Variants in ZCCHC7 observed in about 807,000 individuals in gnomAD.
ZCCHC7 encodes zinc finger CCHC-type containing 7.
A neutral mutation model predicts 52.0 loss-of-function variants in ZCCHC7; 35 were observed. That is an observed-to-expected ratio of 0.67 (90% CI 0.51 to 0.89). ZCCHC7 has a LOEUF of 0.89. ZCCHC7 is among the 40% of genes least tolerant of loss of function. The pLI, the probability that ZCCHC7 is intolerant of heterozygous loss-of-function variation, is 0.00. For missense variants in ZCCHC7, 574 were observed against 649.1 expected (o/e 0.88, Z 1.26); for synonymous variants, 217 against 221.5 (o/e 0.98, Z 0.18).
chr9:37,177,465 T>C (rs1822102739), intron 2 of ZCCHC7, among the ~76,000 whole-genome samples: 1 of 152,176 alleles, frequency 6.6e-6, no homozygotes, highest in Non-Finnish European at 1.5e-5. Context: ...AAAGTACAGC[T>C]GGGTTGTTTC....
At chr9:37,307,227 T>G (rs1174570045) in intron 5 of ZCCHC7, among the ~76,000 whole-genome samples, 3 of 152,194 alleles carry the variant, frequency 2.0e-5, no homozygotes, top group Non-Finnish European at 4.4e-5. Context: ...ATATGGAGTT[T>G]AGTCATAATT....
intron 2 of ZCCHC7, among the ~76,000 whole-genome samples, chr9:37,160,643 T>G (rs1821045907): frequency 6.6e-6 from 1 of 152,146 alleles, no homozygotes; most frequent in Admixed American, 6.5e-5. Context: ...TCCCAGCACT[T>G]TGGGAGGCGA....
At position 37,357,411 on chromosome 9, in the gene ZCCHC7, A is replaced by C; in HGVS notation, c.*143A>C. 1 of 694,576 alleles carries C rather than the reference A, an allele frequency of 1.4e-6. No individual in the cohort carries two copies. Among genetic ancestry groups the C allele is most frequent in the Non-Finnish European group, 2.2e-6 (1 of 448,074 alleles). 43.0% of individuals were successfully genotyped at this position (694,576 alleles called of 1,614,324 possible). A position where few individuals can be genotyped will look rare whatever the true frequency, so the allele number is the denominator to read the frequency against. Reference sequence around the variant, plus strand: ...TTTAATTTCAGCCATTCCTAGAGTTACTGAATATCCATGGAGATCTCAATT... The same window carrying C: ...TTTAATTTCAGCCATTCCTAGAGTTCCTGAATATCCATGGAGATCTCAATT... On this transcript the variant is annotated 3_prime_UTR_variant, in exon 9 of 9. Coordinates refer to ENST00000336755, the MANE Select transcript of ZCCHC7 (RefSeq NM_032226.3).
At chr9:37,325,932 ATTCT>A (rs1056192904) in intron 5 of ZCCHC7, 17 of 152,314 alleles carry the variant, frequency 1.1e-4, no homozygotes, top group Admixed American at 2.0e-4. Flanking sequence ...AAACCAAGTA[ATTCT>A]TTCTTTTATT....
chr9:37,260,110 G>A (rs1043570648), intron 2 of ZCCHC7, among the ~76,000 whole-genome samples: 2 of 152,206 alleles, frequency 1.3e-5, no homozygotes, highest in Admixed American at 1.3e-4. Context: ...GCTGACAAAG[G>A]TTTTACTCTC....
intron 5 of ZCCHC7, 118 bp downstream of exon 5, chr9:37,305,832 G>GATAT (rs3837244): frequency 8.0e-5 from 59 of 735,226 alleles, no homozygotes; most frequent in Middle Eastern, 6.1e-4. Flanking sequence ...TACTCCGTGA[G>GATAT]ATATATATAT....
chr9:37,246,576 G>A (rs1445337385), intron 2 of ZCCHC7, among the ~76,000 whole-genome samples: 2 of 152,134 alleles, frequency 1.3e-5, no homozygotes, highest in Non-Finnish European at 2.9e-5. Context: ...TAAACTCTGG[G>A]CCAGTGTGGA....
In ZCCHC7 at chr9:37,190,978, C is replaced by T. The variant is rs188312560; in HGVS notation, c.610+64036C>T. Among the ~76,000 whole-genome samples, 10 of 151,030 alleles carry T rather than the reference C, an allele frequency of 6.6e-5. No individual in the cohort carries two copies. In the East Asian group the frequency reaches 9.7e-4, roughly 15 times the overall value. On this transcript the variant is annotated intron_variant, in intron 2 of 8. Coordinates refer to ENST00000336755, the MANE Select transcript of ZCCHC7 (RefSeq NM_032226.3). ...CGGAGGTTGCGGTGAGCCGAGATCG[C>T]GCCATTGCACTCCAGCCTGGGCATC...
chr9:37,172,982 T>C (rs1479656794), intron 2 of ZCCHC7, among the ~76,000 whole-genome samples: 1 of 152,022 alleles, frequency 6.6e-6, no homozygotes, highest in East Asian at 1.9e-4. Flanking sequence ...CAATTGTGAC[T>C]TGAGTGAGCA....
At chr9:37,337,388 A>G (rs979352739) in intron 6 of ZCCHC7, among the ~76,000 whole-genome samples, 1 of 30,752 alleles carries the variant, frequency 3.3e-5, no homozygotes, top group African/African-American at 1.5e-4. Context: ...ATCCCACCCC[A>G]CCCTACCCAC....
chr9:37,312,996 A>C (rs1422480751), intron 5 of ZCCHC7, among the ~76,000 whole-genome samples: 2 of 152,208 alleles, frequency 1.3e-5, no homozygotes, highest in Admixed American at 1.3e-4. Flanking sequence ...GGGGAAAAGA[A>C]AAACTCATCT....
chr9:37,161,346 G>A (rs146643679), intron 2 of ZCCHC7, among the ~76,000 whole-genome samples: 163 of 152,234 alleles, frequency 1.1e-3, no homozygotes, highest in African/African-American at 3.7e-3. Context: ...AGGTCAAGGC[G>A]GGCAGATCAC....
rs565688444 is a variant in ZCCHC7 at position 37,153,760 on chromosome 9, C to A, written c.610+26818C>A. On this transcript the variant is annotated intron_variant, in intron 2 of 8. Transcript: ENST00000336755. ...CATCTTGTTTCTTTCTTTCCCCAGA[C>A]CTAGAATCAGCTATTTCTGAAAGGA... Among the ~76,000 whole-genome samples, 12 of 152,106 alleles carry A rather than the reference C, an allele frequency of 7.9e-5. No individual in the cohort carries two copies. In the East Asian group the frequency reaches 2.3e-3, roughly 29 times the overall value.
At chr9:37,170,353 G>GT (rs1251180702) in intron 2 of ZCCHC7, among the ~76,000 whole-genome samples, 1 of 152,174 alleles carries the variant, frequency 6.6e-6, no homozygotes, top group African/African-American at 2.4e-5. Context: ...ACACTCAAGA[G>GT]TTTTTTGAAT....
chr9:37,137,531 C>T (rs1381987368), intron 2 of ZCCHC7, among the ~76,000 whole-genome samples: 3 of 152,162 alleles, frequency 2.0e-5, no homozygotes, highest in Non-Finnish European at 4.4e-5. Context: ...TGTATATGTT[C>T]AGAATACTGT....
chr9:37,142,428 G>T (rs1843269314), intron 2 of ZCCHC7, among the ~76,000 whole-genome samples: 1 of 151,592 alleles, frequency 6.6e-6, no homozygotes. Context: ...TGGATGTAGT[G>T]CTCTTAGAAT....
At chr9:37,196,421 A>G (rs1275302197) in intron 2 of ZCCHC7, among the ~76,000 whole-genome samples, 2 of 152,234 alleles carry the variant, frequency 1.3e-5, no homozygotes, top group Non-Finnish European at 2.9e-5. Flanking sequence ...AAATGAACAA[A>G]TATAACATGA....
intron 2 of ZCCHC7, among the ~76,000 whole-genome samples, chr9:37,298,999 G>A (rs146807835): frequency 8.1e-4 from 123 of 152,278 alleles, no homozygotes; most frequent in African/African-American, 2.7e-3. Context: ...TCCAATAGAT[G>A]TTTGTTAAAC....
chr9:37,305,638 T>C lies in ZCCHC7; in HGVS notation c.875T>C (p.Leu292Ser). 2 of 1,614,138 alleles carry C rather than the reference T, an allele frequency of 1.2e-6. No homozygotes were observed. The highest frequency in any genetic ancestry group is 1.1e-5 in the South Asian group (1 of 91,080). The change falls in exon 5 of 9, where the codon TTG becomes TCG. Residue 292 changes from leucine to serine, a missense_variant. Transcript: ENST00000336755. ...GAATACTGTCCTGTGCCTAAGATGTTGGACCACTCATGTCTTTTCAGACAT... is the reference window on the plus strand; with the variant it reads ...GAATACTGTCCTGTGCCTAAGATGTCGGACCACTCATGTCTTTTCAGACAT... ...LCEYCPVPKM[L>S]DHSCLFRHSW... is the part of the protein sequence containing the mutation.
Sources: allele counts gnomAD v4.1 joint callset (sites outside exome capture counted in the v4.1 genomes callset), GRCh38; gene constraint gnomAD v4.1.1; transcripts MANE v1.5; gene names NCBI Gene and HGNC (gene_info 2026-07-23, HGNC 2026-07-21).